Variants in MTHFD1L observed in about 807,000 individuals in gnomAD.
The protein encoded by MTHFD1L is monofunctional C1-tetrahydrofolate synthase, mitochondrial.
In MTHFD1L, 81 loss-of-function variants were observed where a neutral mutation model predicts 119.5. That is an observed-to-expected ratio of 0.68 (90% CI 0.57 to 0.82). The LOEUF (loss-of-function observed/expected upper bound fraction) is 0.82. Among genes scored for constraint, MTHFD1L ranks in the 40% least tolerant of loss-of-function variants. The pLI is 0.00. For synonymous variants in MTHFD1L, 430 were observed against 475.2 expected, an observed-to-expected ratio of 0.90 and a Z score of 1.24; for missense variants, 1,125 against 1,253.4, an observed-to-expected ratio of 0.90 and a Z score of 1.55.
intron 16 of MTHFD1L, among the ~76,000 whole-genome samples, chr6:150,949,661 C>A (rs1182902389): frequency 6.6e-6 from 1 of 152,114 alleles, no homozygotes; most frequent in African/African-American, 2.4e-5. Flanking sequence ...GGTGGAGTCC[C>A]CGTGAGCTCC....
At chr6:150,999,715 A>T (rs1780336692) in intron 20 of MTHFD1L, among the ~76,000 whole-genome samples, 1 of 152,258 alleles carries the variant, frequency 6.6e-6, no homozygotes, top group African/African-American at 2.4e-5. Context: ...GGTCAAAATC[A>T]TCTTACAAAA....
chr6:151,064,399 GC>G (rs952265579), intron 26 of MTHFD1L, among the ~76,000 whole-genome samples: 2 of 150,844 alleles, frequency 1.3e-5, no homozygotes, highest in African/African-American at 4.9e-5. Flanking sequence ...TGCAACCTCC[GC>G]CCCCCCGGAT....
At chr6:151,084,119 A>T in intron 26 of MTHFD1L, among the ~76,000 whole-genome samples, 1 of 152,218 alleles carries the variant, frequency 6.6e-6, no homozygotes, top group Admixed American at 6.5e-5. Context: ...TACATGTTAA[A>T]TGCCTCCCTC....
chr6:151,051,258 A>G (rs533140945), intron 26 of MTHFD1L, among the ~76,000 whole-genome samples: 28 of 152,302 alleles, frequency 1.8e-4, no homozygotes, highest in Non-Finnish European at 3.4e-4. Context: ...GTATGATAGC[A>G]CACCCACCAG....
intron 20 of MTHFD1L, among the ~76,000 whole-genome samples, chr6:151,006,337 G>T (rs1055532455): frequency 6.6e-6 from 1 of 152,176 alleles, no homozygotes; most frequent in Non-Finnish European, 1.5e-5. Flanking sequence ...CATGGGAAAA[G>T]AGGTCTGGAG....
chr6:150,988,613 G>C (rs1215147717), intron 20 of MTHFD1L, among the ~76,000 whole-genome samples: 1 of 151,836 alleles, frequency 6.6e-6, no homozygotes, highest in African/African-American at 2.4e-5. Context: ...TTTGTGGGGG[G>C]GGCGGGAGCG....
At chr6:151,091,089 G>A (rs897092454) in intron 26 of MTHFD1L, among the ~76,000 whole-genome samples, 1 of 145,822 alleles carries the variant, frequency 6.9e-6, no homozygotes, top group Non-Finnish European at 1.5e-5. Flanking sequence ...ACTGGGTGCA[G>A]CATCGTTCCA....
At chr6:151,076,795 G>T (rs1412276669) in intron 26 of MTHFD1L, among the ~76,000 whole-genome samples, 2 of 152,036 alleles carry the variant, frequency 1.3e-5, no homozygotes, top group Non-Finnish European at 2.9e-5. Flanking sequence ...AAGTTAAAGT[G>T]CACCTGCCAT....
chr6:150,927,559 C>T (rs986322604), intron 11 of MTHFD1L, among the ~76,000 whole-genome samples: 9 of 150,396 alleles, frequency 6.0e-5, no homozygotes, highest in Admixed American at 2.7e-4. Flanking sequence ...CGGGTTCAAG[C>T]GATTCTCCTG....
intron 26 of MTHFD1L, among the ~76,000 whole-genome samples, chr6:151,063,586 G>A (rs148962017): frequency 2.0e-4 from 30 of 152,194 alleles, no homozygotes; most frequent in South Asian, 1.2e-3. Flanking sequence ...ATGTAAGGGC[G>A]GTTTGCTTAT....
At chr6:151,006,367 A>G (rs894415170) in intron 20 of MTHFD1L, among the ~76,000 whole-genome samples, 3 of 152,126 alleles carry the variant, frequency 2.0e-5, no homozygotes, top group African/African-American at 7.2e-5. Flanking sequence ...AGTAACATAG[A>G]GTATGTGGGC....
At chr6:150,914,951 C>T (rs1162494188) in intron 8 of MTHFD1L, among the ~76,000 whole-genome samples, 1 of 152,200 alleles carries the variant, frequency 6.6e-6, no homozygotes, top group Non-Finnish European at 1.5e-5. Flanking sequence ...TCATGGTACC[C>T]TTTTAACTCT....
At chr6:150,954,047 G>C (rs1009028296) in intron 16 of MTHFD1L, among the ~76,000 whole-genome samples, 1 of 152,166 alleles carries the variant, frequency 6.6e-6, no homozygotes, top group Admixed American at 6.5e-5. Flanking sequence ...GAGAGAGAGG[G>C]AGCTTGTTAT....
At chr6:150,980,344 C>A (rs1316144423) in intron 20 of MTHFD1L, among the ~76,000 whole-genome samples, 1 of 152,194 alleles carries the variant, frequency 6.6e-6, no homozygotes, top group African/African-American at 2.4e-5. Flanking sequence ...TTCGTCCCCT[C>A]GCTGTCTGTT....
At chr6:150,887,079 C>T (rs1258539573) in intron 6 of MTHFD1L, among the ~76,000 whole-genome samples, 2 of 151,754 alleles carry the variant, frequency 1.3e-5, no homozygotes, top group Non-Finnish European at 2.9e-5. Flanking sequence ...AGCAAATGCC[C>T]CTCCCTACCC....
At chr6:150,927,508 G>T (rs1223674661) in intron 11 of MTHFD1L, among the ~76,000 whole-genome samples, 3 of 149,454 alleles carry the variant, frequency 2.0e-5, no homozygotes, top group African/African-American at 5.0e-5. Flanking sequence ...CAAGACTGGG[G>T]TGCAGTGGTG....
At chr6:150,905,977 GT>G (rs1360076517) in intron 8 of MTHFD1L, among the ~76,000 whole-genome samples, 2 of 152,202 alleles carry the variant, frequency 1.3e-5, no homozygotes, top group African/African-American at 4.8e-5. Context: ...CCACAGTGAA[GT>G]GCCCCCTACT....
intron 24 of MTHFD1L, among the ~76,000 whole-genome samples, chr6:151,021,419 G>A (rs964054549): frequency 5.3e-5 from 8 of 152,024 alleles, no homozygotes; most frequent in South Asian, 2.1e-4. Context: ...GTGGTGTCAC[G>A]CACCTGTAGT....
At chr6:151,083,448 G>A (rs542854076) in intron 26 of MTHFD1L, among the ~76,000 whole-genome samples, 2 of 152,196 alleles carry the variant, frequency 1.3e-5, no homozygotes, top group African/African-American at 4.8e-5. Context: ...TGCCCACCTC[G>A]GCCTCTCAAA....
Sources: gnomAD v4.1 joint callset for allele counts (sites outside exome capture counted in the v4.1 genomes callset) on GRCh38, gnomAD v4.1.1 for gene constraint, MANE v1.5 for transcripts, NCBI Gene and HGNC (gene_info 2026-07-23, HGNC 2026-07-21) for gene names.